The following WWOX variants were observed in gnomAD, a reference collection of about 807,000 sequenced individuals.
WWOX encodes the protein WW domain-containing oxidoreductase.
A neutral mutation model predicts 46.2 loss-of-function variants in WWOX; 69 were observed. That is an observed-to-expected ratio of 1.49 (90% CI 1.23 to 1.82). The LOEUF (loss-of-function observed/expected upper bound fraction) is 1.82. Ranked by LOEUF, WWOX falls within the 40% of genes most tolerant of loss-of-function variation. WWOX has a pLI of 0.00. For synonymous variants in WWOX, 359 were observed against 202.6 expected, an observed-to-expected ratio of 1.77 and a Z score of -6.56; for missense variants, 919 against 542.6, an observed-to-expected ratio of 1.69 and a Z score of -6.89.
At chr16:78,581,698 T>G (rs1340685708) in intron 8 of WWOX, among the ~76,000 whole-genome samples, 1 of 152,206 alleles carries the variant, frequency 6.6e-6, no homozygotes, top group Admixed American at 6.5e-5. Flanking sequence ...CAGTACATTT[T>G]TTAGGTGCCT....
intron 8 of WWOX, among the ~76,000 whole-genome samples, chr16:79,175,170 C>A (rs544208131): frequency 3.9e-5 from 6 of 152,162 alleles, no homozygotes; most frequent in Non-Finnish European, 7.3e-5. Flanking sequence ...GCCTTAATGG[C>A]GCTAATTTTT....
At chr16:78,321,342 A>G (rs1337134513) in intron 5 of WWOX, among the ~76,000 whole-genome samples, 1 of 53,450 alleles carries the variant, frequency 1.9e-5, no homozygotes. Flanking sequence ...ATATGCGTAT[A>G]TATATACGTA....
At chr16:78,933,853 C>A (rs897932464) in intron 8 of WWOX, among the ~76,000 whole-genome samples, 8 of 152,078 alleles carry the variant, frequency 5.3e-5, no homozygotes, top group African/African-American at 1.7e-4. Context: ...TTACAAGTTG[C>A]AATTCAACAT....
intron 8 of WWOX, among the ~76,000 whole-genome samples, chr16:79,029,575 T>G (rs916570594): frequency 2.0e-5 from 3 of 152,156 alleles, no homozygotes; most frequent in Non-Finnish European, 4.4e-5. Context: ...TAAAAACTGT[T>G]TTTCTATATC....
intron 8 of WWOX, among the ~76,000 whole-genome samples, chr16:78,811,405 CTATT>C (rs2051184527): frequency 1.3e-5 from 2 of 152,138 alleles, no homozygotes; most frequent in Non-Finnish European, 2.9e-5. Context: ...TTTACTGTAT[CTATT>C]AACTTTCTTC....
intron 8 of WWOX, among the ~76,000 whole-genome samples, chr16:79,157,441 GAAAC>G (rs150360300): frequency 0.081 from 11,717 of 144,620 alleles, 804 homozygotes; most frequent in African/African-American, 0.21. Flanking sequence ...AAAAAAGAAA[GAAAC>G]CACAAAACCA....
rs139907035 is a variant in WWOX at position 78,243,817 on chromosome 16, G to T, written c.516+79528G>T. 3.2e-3 allele frequency among the ~76,000 whole-genome samples: 491 copies of T among 152,348 alleles called. 12 individuals are homozygous for T. In the East Asian group the frequency reaches 0.05, roughly 15 times the overall value. Reference sequence around the variant, plus strand: ...CTGCCTCGGCCTCCCAAGGTGCTGAGATCACAGGCGTGAGCCACCGCACCT... The same window carrying T: ...CTGCCTCGGCCTCCCAAGGTGCTGATATCACAGGCGTGAGCCACCGCACCT... On this transcript the variant is annotated intron_variant, in intron 5 of 8. Transcript: ENST00000566780.
intron 8 of WWOX, among the ~76,000 whole-genome samples, chr16:79,010,083 C>T (rs1463988938): frequency 3.9e-5 from 6 of 152,324 alleles, no homozygotes; most frequent in Non-Finnish European, 1.5e-5. Context: ...GCCAGCTGCT[C>T]ACCCACCATG....
At chr16:78,748,237 A>G (rs1217262951) in intron 8 of WWOX, among the ~76,000 whole-genome samples, 2 of 152,232 alleles carry the variant, frequency 1.3e-5, no homozygotes, top group Non-Finnish European at 2.9e-5. Flanking sequence ...TGATGAATGA[A>G]TGAATGAACC....
chr16:78,667,391 A>G (rs2047356135), intron 8 of WWOX, among the ~76,000 whole-genome samples: 1 of 152,124 alleles, frequency 6.6e-6, no homozygotes, highest in Non-Finnish European at 1.5e-5. Context: ...AAATGATATG[A>G]TGGGTGTGGT....
chr16:79,054,066 C>G (rs72795627), intron 8 of WWOX, among the ~76,000 whole-genome samples: 1 of 151,866 alleles, frequency 6.6e-6, no homozygotes, highest in Non-Finnish European at 1.5e-5. Context: ...GATACCTGCT[C>G]TCTGAGCCAA....
At chr16:78,260,285 C>T (rs1033901230) in intron 5 of WWOX, among the ~76,000 whole-genome samples, 1 of 151,570 alleles carries the variant, frequency 6.6e-6, no homozygotes, top group Non-Finnish European at 1.5e-5. Context: ...AAACAGAAAA[C>T]AACAACATCA....
At chr16:78,340,017 T>TGGCGG (rs1555522670) in intron 5 of WWOX, among the ~76,000 whole-genome samples, 1 of 6,776 alleles carries the variant, frequency 1.5e-4, no homozygotes, top group East Asian at 2.9e-3. Flanking sequence ...ATGGATTTGG[T>TGGCGG]GGGGGGGGGG....
At position 78,410,293 on chromosome 16, in the gene WWOX, T is replaced by G. The variant is rs574865516; in HGVS notation, c.606-14577T>G. Among the ~76,000 whole-genome samples the G allele has an allele frequency of 2.6e-5, 4 of 152,202 alleles. No individual in the cohort carries two copies. The South Asian group carries it at 6.2e-4, about 24-fold the overall frequency. On this transcript the variant is annotated intron_variant, in intron 6 of 8. Transcript: ENST00000566780. ...TATCCAGCCTCAGTTACTTCTTTAT[T>G]GCAGTGCAAGAATAGCTTAACACAC...
At chr16:79,116,468 T>C (rs1406860835) in intron 8 of WWOX, among the ~76,000 whole-genome samples, 1 of 152,204 alleles carries the variant, frequency 6.6e-6, no homozygotes, top group Non-Finnish European at 1.5e-5. Flanking sequence ...TTCATGACAA[T>C]GTTCAGTGTT....
intron 4 of WWOX, among the ~76,000 whole-genome samples, chr16:78,134,212 A>G (rs2033710186): frequency 2.6e-5 from 4 of 152,220 alleles, no homozygotes; most frequent in Admixed American, 2.6e-4. Context: ...TTTTAAAACC[A>G]TGTGATAGAA....
At chr16:78,586,962 A>C (rs1398533719) in intron 8 of WWOX, among the ~76,000 whole-genome samples, 2 of 152,142 alleles carry the variant, frequency 1.3e-5, no homozygotes, top group Non-Finnish European at 2.9e-5. Context: ...AAGATTCTAT[A>C]GCATCTGAAT....
chr16:78,439,203 G>T (rs1347878731), intron 8 of WWOX, among the ~76,000 whole-genome samples: 1 of 152,168 alleles, frequency 6.6e-6, no homozygotes, highest in African/African-American at 2.4e-5. Context: ...TTTCAAAGTG[G>T]AAATTTCATT....
At chr16:79,037,091 G>A (rs1436069522) in intron 8 of WWOX, among the ~76,000 whole-genome samples, 1 of 152,144 alleles carries the variant, frequency 6.6e-6, no homozygotes, top group Non-Finnish European at 1.5e-5. Flanking sequence ...GGCGGGGCCT[G>A]GGCTTTACAG....
Sources: allele counts gnomAD v4.1 joint callset (sites outside exome capture counted in the v4.1 genomes callset), GRCh38; gene constraint gnomAD v4.1.1; transcripts MANE v1.5; gene names NCBI Gene and HGNC (gene_info 2026-07-23, HGNC 2026-07-21).